Variants in ST3GAL6 observed in about 807,000 individuals in gnomAD.
ST3GAL6 encodes ST3 beta-galactoside alpha-2,3-sialyltransferase 6.
In ST3GAL6, 31 loss-of-function variants were observed where a neutral mutation model predicts 40.5. The observed-to-expected ratio is 0.77, with a 90% CI of 0.58 to 1.03. ST3GAL6 has a LOEUF of 1.03. Among genes scored for constraint, ST3GAL6 ranks in the 50% least tolerant of loss-of-function variants. The pLI is 0.00. For synonymous variants in ST3GAL6, 129 were observed against 136.9 expected, an observed-to-expected ratio of 0.94 and a Z score of 0.40; for missense variants, 357 against 393.2, an observed-to-expected ratio of 0.91 and a Z score of 0.78.
chr3:98,742,946 C>T lies in ST3GAL6; in HGVS notation c.-12+10414C>T, dbSNP rs906265331. ...AACTCCCGACCTCAGGTGATCTGCC[C>T]GACTCAGCCTCCCAAAGTGCTGGGA... On this transcript the variant is annotated intron_variant, in intron 1 of 9. Coordinates refer to the ST3GAL6 transcript ENST00000265261. Among the ~76,000 whole-genome samples the T allele has an allele frequency of 2.7e-5, 4 of 150,350 alleles. No homozygotes were observed. In the South Asian group the frequency reaches 6.3e-4, roughly 24 times the overall value.
At chr3:98,776,432 A>C (rs1939554522) in intron 5 of ST3GAL6, among the ~76,000 whole-genome samples, 1 of 152,190 alleles carries the variant, frequency 6.6e-6, no homozygotes, top group Non-Finnish European at 1.5e-5. Context: ...CAGAGAATTT[A>C]GACTGCCTTT....
chr3:98,792,952 A>C (rs1941333863), intron 9 of ST3GAL6, among the ~76,000 whole-genome samples: 1 of 152,316 alleles, frequency 6.6e-6, no homozygotes, highest in Non-Finnish European at 1.5e-5. Flanking sequence ...TACTTGATAA[A>C]AAGTATATGG....
intron 1 of ST3GAL6, chr3:98,732,765 C>A: frequency 8.0e-7 from 1 of 1,248,464 alleles, no homozygotes; most frequent in South Asian, 1.6e-5. Context: ...CCCTCCTCTG[C>A]TCCCCCGCCA....
chr3:98,740,401 G>C (rs1259083206), intron 1 of ST3GAL6, among the ~76,000 whole-genome samples: 1 of 151,258 alleles, frequency 6.6e-6, no homozygotes, highest in Non-Finnish European at 1.5e-5. Flanking sequence ...ACTGATTTTT[G>C]AGGTTTTCTG....
chr3:98,759,463 T>G (rs749515963), upstream of ST3GAL6, among the ~76,000 whole-genome samples: 2 of 152,212 alleles, frequency 1.3e-5, no homozygotes, highest in Non-Finnish European at 2.9e-5. Flanking sequence ...ATTTATTCAT[T>G]TATTGACTTT....
chr3:98,785,868 G>GGA (rs1412330016), intron 6 of ST3GAL6, among the ~76,000 whole-genome samples: 1 of 152,154 alleles, frequency 6.6e-6, no homozygotes, highest in East Asian at 1.9e-4. Context: ...GATTGTTGTA[G>GGA]GAGAGGAAGA....
intron 9 of ST3GAL6, among the ~76,000 whole-genome samples, chr3:98,792,813 C>T (rs1184151386): frequency 6.6e-6 from 1 of 152,038 alleles, no homozygotes; most frequent in Non-Finnish European, 1.5e-5. Context: ...GCCACTGTGC[C>T]TGGCTAAGGA....
intron 1 of ST3GAL6, among the ~76,000 whole-genome samples, chr3:98,739,141 T>C (rs1423451657): frequency 6.6e-6 from 1 of 152,184 alleles, no homozygotes; most frequent in Non-Finnish European, 1.5e-5. Context: ...ATCAGTTCTC[T>C]GAAACTAATC....
intron 1 of ST3GAL6, among the ~76,000 whole-genome samples, chr3:98,749,430 C>T (rs977700107): frequency 1.4e-4 from 21 of 152,074 alleles, no homozygotes; most frequent in African/African-American, 4.3e-4. Flanking sequence ...AGTTTCAACA[C>T]GGGAATTTTA....
chr3:98,732,644 C>T (rs1348492714), intron 1 of ST3GAL6: 1 of 496,666 alleles, frequency 2.0e-6, no homozygotes, highest in Non-Finnish European at 3.5e-6. Flanking sequence ...GGCCACCGTG[C>T]AACTGGCGCC....
chr3:98,771,262 C>A, intron 3 of ST3GAL6: 5 of 806,326 alleles, frequency 6.2e-6, no homozygotes, highest in Non-Finnish European at 8.8e-6. Flanking sequence ...TATTTTTCCC[C>A]CTTGTTGCTC....
chr3:98,749,472 C>A (rs1254802517), intron 1 of ST3GAL6, among the ~76,000 whole-genome samples: 1 of 152,054 alleles, frequency 6.6e-6, no homozygotes, highest in Non-Finnish European at 1.5e-5. Flanking sequence ...GATTGTTCAC[C>A]CTTAAGCTAA....
At chr3:98,754,603 G>A (rs916604320) in intron 1 of ST3GAL6, among the ~76,000 whole-genome samples, 1 of 152,194 alleles carries the variant, frequency 6.6e-6, no homozygotes, top group Non-Finnish European at 1.5e-5. Flanking sequence ...AAGTTCTGTG[G>A]CTAAAATGCT....
chr3:98,792,673 ATTTT>A (rs11305556), intron 9 of ST3GAL6, among the ~76,000 whole-genome samples: 7 of 132,954 alleles, frequency 5.3e-5, no homozygotes, highest in Non-Finnish European at 6.4e-5. Context: ...CGACCGGCTA[ATTTT>A]TTTTTTTTTT....
chr3:98,759,012 T>C (rs1441202581), upstream of ST3GAL6, among the ~76,000 whole-genome samples: 1 of 152,006 alleles, frequency 6.6e-6, no homozygotes, highest in Non-Finnish European at 1.5e-5. Flanking sequence ...ACTCAGGGGG[T>C]CTGATTGTCA....
At chr3:98,752,972 C>T (rs576945403) in intron 1 of ST3GAL6, among the ~76,000 whole-genome samples, 1 of 152,148 alleles carries the variant, frequency 6.6e-6, no homozygotes, top group Admixed American at 6.6e-5. Flanking sequence ...ATTAATAATC[C>T]TCCAATAGCC....
At chr3:98,740,860 A>G (rs1407001199) in intron 1 of ST3GAL6, among the ~76,000 whole-genome samples, 3 of 152,144 alleles carry the variant, frequency 2.0e-5, no homozygotes, top group African/African-American at 7.2e-5. Flanking sequence ...GATTGTTCTT[A>G]TATACCTCTA....
chr3:98,739,595 T>C (rs1935885909), intron 1 of ST3GAL6, among the ~76,000 whole-genome samples: 1 of 152,194 alleles, frequency 6.6e-6, no homozygotes, highest in Non-Finnish European at 1.5e-5. Flanking sequence ...TAGAAGGAAG[T>C]CTCAAATGCT....
intron 6 of ST3GAL6, among the ~76,000 whole-genome samples, chr3:98,785,828 C>T (rs138913351): frequency 1.2e-4 from 18 of 152,150 alleles, no homozygotes; most frequent in African/African-American, 3.1e-4. Context: ...TTGCTGTATT[C>T]GGGTATAATA....
Sources: allele counts gnomAD v4.1 joint callset (sites outside exome capture counted in the v4.1 genomes callset), GRCh38; gene constraint gnomAD v4.1.1; transcripts MANE v1.5; gene names NCBI Gene and HGNC (gene_info 2026-07-23, HGNC 2026-07-21).